Variants in PTGES3 observed in about 807,000 individuals in gnomAD.
PTGES3 encodes the protein Hsp90 co-chaperone.
A neutral mutation model predicts 29.9 loss-of-function variants in PTGES3; 5 were observed. The observed-to-expected ratio is 0.17, with a 90% CI of 0.09 to 0.35. The LOEUF (loss-of-function observed/expected upper bound fraction) is 0.35, where lower values mean the gene tolerates loss of function less well. Among genes scored for constraint, PTGES3 ranks in the 10% least tolerant of loss-of-function variants. The pLI is 1.00. For missense variants in PTGES3, 128 were observed against 190.0 expected (o/e 0.67, Z 1.92); for synonymous variants, 49 against 57.8 (o/e 0.85, Z 0.69).
intron 1 of PTGES3, among the ~76,000 whole-genome samples, chr12:56,681,563 A>C (rs1297399597): frequency 1.6e-5 from 2 of 123,998 alleles, no homozygotes; most frequent in Admixed American, 8.4e-5. Flanking sequence ...AAAAAAAAAG[A>C]ATCAGCCGGG....
intron 7 of PTGES3, 92 bp from the exon 8 acceptor site, chr12:56,664,590 T>A: frequency 7.0e-7 from 1 of 1,433,678 alleles, no homozygotes; most frequent in Non-Finnish European, 9.6e-7. Flanking sequence ...AAAATCGAAA[T>A]ACATAGTTGC....
At position 56,670,266 on chromosome 12, in the gene PTGES3, G is replaced by C; in HGVS notation, c.375+9C>G. 6.3e-7 allele frequency: 1 copy of C among 1,592,478 alleles called. No individual in the cohort carries two copies. The highest frequency in any genetic ancestry group is 8.6e-7 in the Non-Finnish European group (1 of 1,161,090). On this transcript the variant is annotated intron_variant, in intron 5 of 7. Coordinates refer to ENST00000262033, the MANE Select transcript of PTGES3 (RefSeq NM_006601.7). ...TCGAATGGGGAGAGGTCCATTTAAA[G>C]GAACTTACCTCAGAGAAACGATCAA...
At chr12:56,666,174 GTA>G in intron 6 of PTGES3, 28 bp downstream of exon 6, 1 of 1,585,800 alleles carries the variant, frequency 6.3e-7, no homozygotes, top group African/African-American at 1.4e-5. Flanking sequence ...TAGTATGAAA[GTA>G]AACAGAAAAA....
chr12:56,666,058 G>T, intron 6 of PTGES3, 146 bp downstream of exon 6: 1 of 1,396,520 alleles, frequency 7.2e-7, no homozygotes, highest in African/African-American at 1.5e-5. Context: ...TCAAAAATGG[G>T]CACATTTTAA....
At chr12:56,669,333 C>T (rs543678189) in intron 5 of PTGES3, among the ~76,000 whole-genome samples, 18 of 152,180 alleles carry the variant, frequency 1.2e-4, no homozygotes, top group Non-Finnish European at 1.6e-4. Flanking sequence ...GCTGGAATCA[C>T]AGGCATGCAC....
At chr12:56,687,838 C>T in intron 1 of PTGES3, 160 bp downstream of exon 1, 3 of 1,477,062 alleles carry the variant, frequency 2.0e-6, no homozygotes, top group Non-Finnish European at 2.7e-6. Flanking sequence ...GTCCTCCACC[C>T]GCCAACGGTA....
intron 1 of PTGES3, among the ~76,000 whole-genome samples, chr12:56,683,623 C>T (rs1218717550): frequency 1.3e-5 from 2 of 151,726 alleles, no homozygotes; most frequent in Admixed American, 6.6e-5. Context: ...TCACTCCAGC[C>T]TGGGCGACAG....
chr12:56,677,222 G>A lies in PTGES3; in HGVS notation c.3-4157C>T, dbSNP rs138202361. On this transcript the variant is annotated intron_variant, in intron 1 of 7. Coordinates refer to ENST00000262033, the MANE Select transcript of PTGES3 (RefSeq NM_006601.7). ...CCACTGCACTCTAGCCTGGGCGACAGAGTGAGACTCCTTCTCCGCACCACC... is the reference window on the plus strand; with the variant it reads ...CCACTGCACTCTAGCCTGGGCGACAAAGTGAGACTCCTTCTCCGCACCACC... 6.0e-3 allele frequency among the ~76,000 whole-genome samples: 903 copies of A among 150,012 alleles called. 6 individuals carry two copies. The highest frequency in any genetic ancestry group is 0.014 in the Middle Eastern group (4 of 294).
At chr12:56,684,214 T>C (rs1049990700) in intron 1 of PTGES3, among the ~76,000 whole-genome samples, 4 of 152,196 alleles carry the variant, frequency 2.6e-5, no homozygotes, top group Non-Finnish European at 4.4e-5. Flanking sequence ...TGATAGCTTG[T>C]AGATTTTTAA....
At chr12:56,666,383 G>C in intron 5 of PTGES3, 117 bp from the exon 6 acceptor site, 1 of 1,182,688 alleles carries the variant, frequency 8.5e-7, no homozygotes, top group Non-Finnish European at 1.1e-6. Flanking sequence ...AATGCAAAAT[G>C]CAAATATAAG....
intron 1 of PTGES3, among the ~76,000 whole-genome samples, chr12:56,673,485 G>GAAA (rs1164653881): frequency 1.6e-5 from 1 of 62,882 alleles, no homozygotes; most frequent in Non-Finnish European, 2.6e-5. Context: ...TACAAATACG[G>GAAA]AAAAAAAAAA....
intron 1 of PTGES3, among the ~76,000 whole-genome samples, chr12:56,676,733 G>C (rs1952268633): frequency 6.6e-6 from 1 of 151,646 alleles, no homozygotes. Context: ...AGTCAGCCTG[G>C]ACAACATGGT....
At chr12:56,687,100 G>C (rs1952909288) in intron 1 of PTGES3, 1 of 708,876 alleles carries the variant, frequency 1.4e-6, no homozygotes, top group Non-Finnish European at 1.9e-6. Flanking sequence ...AATCGCCAAG[G>C]CTTTCCTTTA....
intron 1 of PTGES3, chr12:56,687,330 T>G (rs1039681822): frequency 2.0e-6 from 2 of 988,756 alleles, no homozygotes; most frequent in African/African-American, 1.7e-5. Context: ...CAATGGTAAC[T>G]CCTCCTCGCT....
intron 4 of PTGES3, 43 bp from the exon 5 acceptor site, chr12:56,670,407 G>A (rs1413525306): frequency 2.2e-6 from 3 of 1,395,264 alleles, no homozygotes; most frequent in Non-Finnish European, 3.1e-6. Context: ...AGGCTAATTT[G>A]CATTTGGCAT....
chr12:56,687,638 A>G (rs1398250343), intron 1 of PTGES3: 3 of 1,168,942 alleles, frequency 2.6e-6, no homozygotes, highest in Non-Finnish European at 3.2e-6. Flanking sequence ...AGCAGCCGAG[A>G]GGCGACCCAC....
chr12:56,671,544 A>C (rs1952007523), intron 4 of PTGES3, among the ~76,000 whole-genome samples: 1 of 152,210 alleles, frequency 6.6e-6, no homozygotes, highest in Non-Finnish European at 1.5e-5. Context: ...TCTGTCTCTT[A>C]AGTACAAAAG....
In PTGES3 at chr12:56,673,195, T is replaced by C. The variant is rs1952076711; in HGVS notation, c.3-130A>G. The C allele has an allele frequency of 2.3e-5, 13 of 573,472 alleles. No homozygotes were observed. In the East Asian group the frequency reaches 4.0e-4, roughly 18 times the overall value. 35.5% of individuals were successfully genotyped at this position (573,472 alleles called of 1,614,324 possible). A position where few individuals can be genotyped will look rare whatever the true frequency, so the allele number is the denominator to read the frequency against. On this transcript the variant is annotated intron_variant, in intron 1 of 7. Transcript: ENST00000262033. ...CAATTTTAAACAAAAACTACATTTT[T>C]ACCCTAACAGCTACATTCCAAGTTA...
chr12:56,666,376 G>T (rs1951787390), intron 5 of PTGES3, 110 bp from the exon 6 acceptor site: 1 of 1,285,950 alleles, frequency 7.8e-7, no homozygotes, highest in Non-Finnish European at 1.0e-6. Flanking sequence ...ATCAAAAAAT[G>T]CAAAATGCAA....
Sources: gnomAD v4.1 joint callset for allele counts (sites outside exome capture counted in the v4.1 genomes callset) on GRCh38, gnomAD v4.1.1 for gene constraint, MANE v1.5 for transcripts, NCBI Gene and HGNC (gene_info 2026-07-23, HGNC 2026-07-21) for gene names.